Variants in YEATS4 observed in about 807,000 individuals in gnomAD.
YEATS4 encodes YEATS domain containing 4.
In YEATS4, 17 loss-of-function variants were observed where a neutral mutation model predicts 30.1. The observed-to-expected ratio is 0.56, with a 90% CI of 0.39 to 0.85. YEATS4 has a LOEUF of 0.85. YEATS4 is among the 40% of genes least tolerant of loss of function. The probability of loss-of-function intolerance (pLI) is 0.00; values close to 1 mark genes in which losing one functional copy is unlikely to be tolerated. For synonymous variants in YEATS4, 85 were observed against 87.5 expected (o/e 0.97, Z 0.16); for missense variants, 142 against 268.3 (o/e 0.53, Z 3.29).
intron 1 of YEATS4, among the ~76,000 whole-genome samples, chr12:69,362,516 G>A (rs1460806742): frequency 1.3e-5 from 2 of 152,132 alleles, no homozygotes; most frequent in African/African-American, 4.8e-5. Flanking sequence ...TTAAGAAAAG[G>A]CCTTTTGCAT....
At chr12:69,394,606 A>G (rs2121103638), downstream of YEATS4, among the ~76,000 whole-genome samples, 1 of 149,728 alleles carries the variant, frequency 6.7e-6, no homozygotes, top group African/African-American at 2.5e-5. Context: ...CATCTGGAAG[A>G]TGGAGATAGT....
chr12:69,394,617 G>GTTTGTT (rs1565684922), downstream of YEATS4, among the ~76,000 whole-genome samples: 28 of 151,440 alleles, frequency 1.8e-4, no homozygotes, highest in African/African-American at 6.3e-4. Context: ...TGGAGATAGT[G>GTTTGTT]TGTTTGTTTG....
the YEATS4 span, among the ~76,000 whole-genome samples, chr12:69,398,884 CTCACGCCT>C: frequency 1.3e-5 from 2 of 151,260 alleles, no homozygotes; most frequent in East Asian, 3.9e-4. Flanking sequence ...GGTGTGGTGG[CTCACGCCT>C]GTAATCCCAG....
the YEATS4 span, among the ~76,000 whole-genome samples, chr12:69,408,565 G>T: frequency 6.6e-6 from 1 of 152,184 alleles, no homozygotes; most frequent in African/African-American, 2.4e-5. Flanking sequence ...ACTCCAGTTT[G>T]CCCTGGCACC....
chr12:69,365,657 A>G lies in YEATS4; in HGVS notation c.196A>G (p.Ile66Val). ...NEDMSAYVKK[I>V]QFKLHESYGN... Reference sequence around the variant, plus strand: ...GGATATGTCAGCATATGTGAAGAAAATCCAGTTTAAATTACATGAAAGCTA... The same window carrying G: ...GGATATGTCAGCATATGTGAAGAAAGTCCAGTTTAAATTACATGAAAGCTA... Residue 66 changes from isoleucine (I) to valine (V), a missense_variant, in exon 3 of 7, where the codon ATC becomes GTC. Ile to Val is a conservative substitution (Grantham distance 29). Around this residue, in one of 3 missense-constraint regions of YEATS4, gnomAD observed 64 missense variants for 164.0 expected, o/e 0.39. Coordinates refer to ENST00000247843, the MANE Select transcript of YEATS4 (RefSeq NM_006530.4). 1.2e-6 allele frequency: 2 copies of G among 1,611,498 alleles called. No homozygotes were observed. Among genetic ancestry groups the G allele is most frequent in the Non-Finnish European group, 1.7e-6 (2 of 1,178,144 alleles).
downstream of YEATS4, among the ~76,000 whole-genome samples, chr12:69,395,475 T>C (rs918548722): frequency 1.3e-5 from 2 of 152,182 alleles, no homozygotes; most frequent in African/African-American, 2.4e-5. Flanking sequence ...GTGTTTATGA[T>C]TTAATTTTTA....
At chr12:69,417,153 AATT>A in the YEATS4 span, among the ~76,000 whole-genome samples, 79 of 136,426 alleles carry the variant, frequency 5.8e-4, 8 homozygotes, top group East Asian at 1.6e-3. Flanking sequence ...ATTTTTTAAA[AATT>A]TTTTTTTTTT....
intron 6 of YEATS4, among the ~76,000 whole-genome samples, chr12:69,373,470 C>T (rs372111262): frequency 2.6e-5 from 4 of 152,174 alleles, no homozygotes; most frequent in African/African-American, 4.8e-5. Context: ...ATCTTTTGCC[C>T]GTTTTAAAAT....
At chr12:69,407,140 CTTTTTTT>C in the YEATS4 span, among the ~76,000 whole-genome samples, 1 of 142,522 alleles carries the variant, frequency 7.0e-6, no homozygotes, top group Non-Finnish European at 1.5e-5. Context: ...TTTATACATT[CTTTTTTT>C]TTTTTTTTCT....
intron 6 of YEATS4, among the ~76,000 whole-genome samples, chr12:69,388,107 G>A (rs957122770): frequency 6.6e-5 from 10 of 151,212 alleles, no homozygotes; most frequent in Non-Finnish European, 4.4e-5. Flanking sequence ...GCCCAGGCTG[G>A]ATGGAGTGCA....
rs867200663 is a variant in YEATS4, at chr12:69,382,970, G to C, written c.515-7177G>C. The stretch of plus-strand genomic sequence containing the variant: ...ACAGGTTTTTGCAATTCAGAGTACA[G>C]CTTTGGCGGCCAGGTGTGATGGCTC... On this transcript the variant is annotated intron_variant, in intron 6 of 6. Transcript: ENST00000247843. 1.3e-5 allele frequency among the ~76,000 whole-genome samples: 2 copies of C among 152,186 alleles called. 1 individual carries two copies. Among genetic ancestry groups the C allele is most frequent in the South Asian group, 4.1e-4 (2 of 4,826 alleles).
the YEATS4 span, among the ~76,000 whole-genome samples, chr12:69,399,078 C>T: frequency 6.8e-5 from 10 of 147,698 alleles, no homozygotes; most frequent in Middle Eastern, 7.8e-3. Flanking sequence ...ACCCGGGAGG[C>T]GGAGGTTGCA....
intron 6 of YEATS4, among the ~76,000 whole-genome samples, chr12:69,379,571 T>C (rs768397772): frequency 5.1e-5 from 7 of 137,560 alleles, no homozygotes; most frequent in Admixed American, 1.5e-4. Flanking sequence ...ATGCCACCAC[T>C]ATGCCCAGCT....
the YEATS4 span, among the ~76,000 whole-genome samples, chr12:69,422,234 C>G: frequency 2.0e-5 from 3 of 152,084 alleles, no homozygotes; most frequent in East Asian, 5.8e-4. Context: ...GAATGAGGGT[C>G]AAAGTGAATG....
the YEATS4 span, among the ~76,000 whole-genome samples, chr12:69,421,120 G>T: frequency 6.6e-6 from 1 of 152,112 alleles, no homozygotes; most frequent in East Asian, 1.9e-4. Flanking sequence ...AGCCTCTCAA[G>T]TAGCTGGGAT....
At chr12:69,391,436 T>A (rs745558256), downstream of YEATS4, among the ~76,000 whole-genome samples, 1 of 152,210 alleles carries the variant, frequency 6.6e-6, no homozygotes, top group Non-Finnish European at 1.5e-5. Context: ...ACTTTTAGAC[T>A]CATCTACTTT....
At chr12:69,364,639 G>A (rs1172708850) in intron 2 of YEATS4, among the ~76,000 whole-genome samples, 1 of 152,156 alleles carries the variant, frequency 6.6e-6, no homozygotes, top group African/African-American at 2.4e-5. Context: ...GTTTGTTTGA[G>A]ATGGAGTTTC....
intron 6 of YEATS4, among the ~76,000 whole-genome samples, chr12:69,375,708 C>T (rs772829201): frequency 6.6e-6 from 1 of 152,172 alleles, no homozygotes; most frequent in Non-Finnish European, 1.5e-5. Context: ...GGAGACCAGC[C>T]CAGCCAACAC....
In YEATS4 at chr12:69,359,823, C is replaced by T; in HGVS notation, c.-150C>T. The T allele has an allele frequency of 1.1e-6, 1 of 890,224 alleles. No individual in the cohort carries two copies. The allele number at this position is 890,224 out of a possible 1,614,324, so 55.1% of individuals were successfully genotyped here. Reference sequence around the variant, plus strand: ...TCGGCCTGAGGAGTTGACGGTTACTCACCGCCGTGAGCCCAAGTAACTCGC... The same window carrying T: ...TCGGCCTGAGGAGTTGACGGTTACTTACCGCCGTGAGCCCAAGTAACTCGC... On this transcript the variant is annotated 5_prime_UTR_variant, in exon 1 of 7. Transcript: ENST00000247843.
Sources: gnomAD v4.1 joint callset for allele counts (sites outside exome capture counted in the v4.1 genomes callset) on GRCh38, gnomAD v4.1.1 for gene constraint, gnomAD v4.1.1 regional missense constraint, MANE v1.5 for transcripts, NCBI Gene and HGNC (gene_info 2026-07-23, HGNC 2026-07-21) for gene names.